The following CCDC170 variants were observed in gnomAD, a reference collection of about 807,000 sequenced individuals.
CCDC170 encodes the protein coiled-coil domain-containing protein 170.
A neutral mutation model predicts 72.6 loss-of-function variants in CCDC170; 69 were observed. That is an observed-to-expected ratio of 0.95 (90% confidence interval 0.78 to 1.16). CCDC170 has a LOEUF of 1.16. Ranked by LOEUF, CCDC170 falls within the 50% of genes most tolerant of loss-of-function variation. The probability of loss-of-function intolerance (pLI) is 0.00; values close to 1 mark genes in which losing one functional copy is unlikely to be tolerated. For synonymous variants in CCDC170, 300 were observed against 303.9 expected (o/e 0.99, Z 0.13); for missense variants, 852 against 832.5 (o/e 1.02, Z -0.29).
intron 1 of CCDC170, among the ~76,000 whole-genome samples, chr6:151,525,557 T>C (rs1279650087): frequency 1.3e-5 from 2 of 152,146 alleles, no homozygotes; most frequent in Non-Finnish European, 2.9e-5. Flanking sequence ...TCCCCACCCT[T>C]GAGAATGTAC....
At chr6:151,519,114 T>C (rs902614953) in intron 1 of CCDC170, among the ~76,000 whole-genome samples, 7 of 152,138 alleles carry the variant, frequency 4.6e-5, no homozygotes, top group South Asian at 2.1e-4. Context: ...GGGATTTTTT[T>C]CCCCACCCTA....
At chr6:151,494,258 C>T in intron 1 of CCDC170, 73 bp downstream of exon 1, 2 of 1,389,236 alleles carry the variant, frequency 1.4e-6, no homozygotes, top group East Asian at 2.9e-5. Context: ...CCGAGGCGCC[C>T]CTGATTTGCA....
chr6:151,544,442 T>C, intron 3 of CCDC170, 130 bp from the exon 4 acceptor site: 1 of 895,036 alleles, frequency 1.1e-6, no homozygotes, highest in Non-Finnish European at 1.6e-6. Flanking sequence ...TAATTTGCTC[T>C]GTGTCTGGGA....
chr6:151,527,808 A>G (rs904908493), intron 1 of CCDC170, among the ~76,000 whole-genome samples: 1 of 152,168 alleles, frequency 6.6e-6, no homozygotes, highest in African/African-American at 2.4e-5. Context: ...TGCTGGGACA[A>G]AGAGTAGATT....
At chr6:151,499,684 G>A (rs1157075815) in intron 1 of CCDC170, among the ~76,000 whole-genome samples, 1 of 150,326 alleles carries the variant, frequency 6.7e-6, no homozygotes, top group Non-Finnish European at 1.5e-5. Context: ...CTGTATAAGT[G>A]GAATCAGACT....
At chr6:151,569,618 T>C (rs1023478980) in intron 5 of CCDC170, among the ~76,000 whole-genome samples, 7 of 152,224 alleles carry the variant, frequency 4.6e-5, no homozygotes, top group Non-Finnish European at 8.8e-5. Context: ...TCCTGGCCAG[T>C]GGTACTGATG....
At chr6:151,569,272 C>G (rs1302594805) in intron 5 of CCDC170, among the ~76,000 whole-genome samples, 1 of 152,130 alleles carries the variant, frequency 6.6e-6, no homozygotes, top group African/African-American at 2.4e-5. Flanking sequence ...GAACAGGAAT[C>G]AATTGTGTTT....
In CCDC170 at chr6:151,494,391, C is replaced by A. The variant is rs754239959; in HGVS notation, c.57+206C>A. Reference sequence around the variant, plus strand: ...GGGCAGGACCGGAGTTTGCGGAGCGCGTCTGAATTTTAGGTTGTGCCACTC... The same window carrying A: ...GGGCAGGACCGGAGTTTGCGGAGCGAGTCTGAATTTTAGGTTGTGCCACTC... On this transcript the variant is annotated intron_variant, in intron 1 of 10. Coordinates refer to ENST00000239374, the MANE Select transcript of CCDC170 (RefSeq NM_025059.4). 6.6e-5 allele frequency among the ~76,000 whole-genome samples: 10 copies of A among 152,162 alleles called. No individual in the cohort carries two copies. In the East Asian group the frequency reaches 1.5e-3, roughly 23 times the overall value.
chr6:151,618,327 A>C lies in CCDC170; in HGVS notation c.*180A>C. 1.8e-6 allele frequency: 1 copy of C among 571,116 alleles called. No individual in the cohort carries two copies. The highest frequency in any genetic ancestry group is 3.1e-6 in the Non-Finnish European group (1 of 326,950). 35.4% of individuals were successfully genotyped at this position (571,116 alleles called of 1,614,324 possible). ...TGTCAGCCTTAGATAAACGTTCAGCATTAAAAACGCCTATTATTTCATTTA... is the reference window on the plus strand; with the variant it reads ...TGTCAGCCTTAGATAAACGTTCAGCCTTAAAAACGCCTATTATTTCATTTA... On this transcript the variant is annotated 3_prime_UTR_variant, in exon 11 of 11. Coordinates refer to ENST00000239374, the MANE Select transcript of CCDC170 (RefSeq NM_025059.4).
In CCDC170 at chr6:151,615,446, A is replaced by C. The variant is rs765576338; in HGVS notation, c.1714A>C (p.Lys572Gln). The change falls in exon 10 of 11, where the codon AAA (lysine) becomes CAA (glutamine). Residue 572 changes from lysine (K) to glutamine (Q), a missense_variant. By Grantham distance (53) the Lys-to-Gln change is moderately conservative. Transcript: ENST00000239374. ...CAGCATTCTCTTGACTTTCTAGATT[A>C]AAACTTTGGAACAGACTAAAGCCAT... ...KLADTNELKI[K>Q]TLEQTKAIED... 6.2e-7 allele frequency: 1 copy of C among 1,607,402 alleles called. No homozygotes were observed. The highest frequency in any genetic ancestry group is 1.1e-5 in the South Asian group (1 of 90,306).
At chr6:151,499,547 A>G (rs984113703) in intron 1 of CCDC170, among the ~76,000 whole-genome samples, 4 of 122,766 alleles carry the variant, frequency 3.3e-5, no homozygotes, top group Non-Finnish European at 6.4e-5. Flanking sequence ...CATGCTGTAT[A>G]AGTGGAATCA....
chr6:151,609,621 T>G (rs1367230005), intron 9 of CCDC170, among the ~76,000 whole-genome samples: 1 of 152,232 alleles, frequency 6.6e-6, no homozygotes, highest in Non-Finnish European at 1.5e-5. Context: ...TATGACCAGT[T>G]CTGTCCCACT....
At chr6:151,579,695 T>C (rs77718926) in intron 6 of CCDC170, among the ~76,000 whole-genome samples, 1 of 152,298 alleles carries the variant, frequency 6.6e-6, no homozygotes, top group African/African-American at 2.4e-5. Flanking sequence ...AGAAAGACTA[T>C]GCTGAAAATA....
intron 9 of CCDC170, among the ~76,000 whole-genome samples, chr6:151,602,417 G>T (rs1468586461): frequency 6.6e-6 from 1 of 152,066 alleles, no homozygotes; most frequent in African/African-American, 2.4e-5. Flanking sequence ...GGATAAAATA[G>T]AATTTTAAAA....
intron 3 of CCDC170, among the ~76,000 whole-genome samples, chr6:151,543,933 G>T (rs1247224939): frequency 6.6e-6 from 1 of 152,078 alleles, no homozygotes; most frequent in Non-Finnish European, 1.5e-5. Flanking sequence ...AAACATGGGG[G>T]TTCAGACATC....
chr6:151,494,024 T>C lies in CCDC170; in HGVS notation c.-105T>C, dbSNP rs376484317. On this transcript the variant is annotated 5_prime_UTR_variant, in exon 1 of 11. Transcript: ENST00000239374. Reference sequence around the variant, plus strand: ...GCGCGCCGCCGCGTCCCCGCGGTGTTTACCCGTTGCCCGAGGAGACACCCG... The same window carrying C: ...GCGCGCCGCCGCGTCCCCGCGGTGTCTACCCGTTGCCCGAGGAGACACCCG... 37 of 1,148,876 alleles carry C rather than the reference T, an allele frequency of 3.2e-5. No homozygotes were observed. The African/African-American group carries it at 5.4e-4, about 17-fold the overall frequency. 71.2% of individuals were successfully genotyped at this position (1,148,876 alleles called of 1,614,324 possible). A position where few individuals can be genotyped will look rare whatever the true frequency, so the allele number is the denominator to read the frequency against.
Position 151,552,002 on chromosome 6 carries a change from A to G in CCDC170, c.774+3513A>G, listed in dbSNP as rs950565499. Among the ~76,000 whole-genome samples, 3 of 147,270 alleles carry G rather than the reference A, an allele frequency of 2.0e-5. No individual in the cohort carries two copies. The Admixed American group carries it at 2.0e-4, about 10-fold the overall frequency. ...ATTTGGAACCTACCTAGGTTAATTCACTGCATTTGTTGATTAGTGTCAGGT... is the reference window on the plus strand; with the variant it reads ...ATTTGGAACCTACCTAGGTTAATTCGCTGCATTTGTTGATTAGTGTCAGGT... On this transcript the variant is annotated intron_variant, in intron 5 of 10. Coordinates refer to ENST00000239374, the MANE Select transcript of CCDC170 (RefSeq NM_025059.4).
At chr6:151,613,677 C>A (rs1411735391) in intron 9 of CCDC170, among the ~76,000 whole-genome samples, 1 of 152,146 alleles carries the variant, frequency 6.6e-6, no homozygotes, top group Non-Finnish European at 1.5e-5. Context: ...GTACTCTATT[C>A]TTTTTTACTG....
rs573219621 is a variant in CCDC170 at position 151,519,862 on chromosome 6, A to G, written c.58-16456A>G. Among the ~76,000 whole-genome samples, 28 of 152,338 alleles carry G rather than the reference A, an allele frequency of 1.8e-4. No homozygotes were observed. The South Asian group carries it at 3.9e-3, about 21-fold the overall frequency. On this transcript the variant is annotated intron_variant, in intron 1 of 10. Coordinates refer to ENST00000239374, the MANE Select transcript of CCDC170 (RefSeq NM_025059.4). ...GTGTCTTTTAGCATACCAATGTATT[A>G]TAATTAGCATATAATGAGCAGTGAG...
Sources: gnomAD v4.1 joint callset for allele counts (sites outside exome capture counted in the v4.1 genomes callset) on GRCh38, gnomAD v4.1.1 for gene constraint, MANE v1.5 for transcripts, NCBI Gene and HGNC (gene_info 2026-07-23, HGNC 2026-07-21) for gene names.